Variants in KYAT3 observed in about 807,000 individuals in gnomAD.
KYAT3 encodes kynurenine--oxoglutarate transaminase 3.
KYAT3 carries 50 observed loss-of-function variants against 59.0 expected under a neutral mutation model. The observed-to-expected ratio is 0.85, with a 90% confidence interval of 0.68 to 1.07. KYAT3 has a LOEUF of 1.07. KYAT3 is among the 50% of genes least tolerant of loss of function. The pLI, the probability that KYAT3 is intolerant of heterozygous loss-of-function variation, is 0.00. For synonymous variants in KYAT3, 148 were observed against 177.0 expected (o/e 0.84, Z 1.30); for missense variants, 497 against 533.3 (o/e 0.93, Z 0.67).
chr1:88,980,625 G>C (rs1310330032), intron 2 of KYAT3: 1 of 152,510 alleles, frequency 6.6e-6, no homozygotes, highest in East Asian at 1.9e-4. Context: ...ACGTCTGCTA[G>C]TTCAGTAAAC....
intron 8 of KYAT3, among the ~76,000 whole-genome samples, chr1:88,955,439 T>C (rs569519694): frequency 2.8e-4 from 43 of 152,262 alleles, no homozygotes; most frequent in Admixed American, 2.2e-3. Flanking sequence ...ACCAAGATAG[T>C]ATATAAATAG....
At position 88,943,156 on chromosome 1, in the gene KYAT3, T is replaced by A; in HGVS notation, c.1216-65A>T. ...ACACTTCAAATATTAATTTTGGTAC[T>A]ACAGATACTAGAGGCAACTAGATAC... On this transcript the variant is annotated intron_variant, in intron 12 of 13. Transcript: ENST00000260508. 9 of 1,285,740 alleles carry A rather than the reference T, an allele frequency of 7.0e-6. No homozygotes were observed. In the South Asian group the frequency reaches 8.8e-5, roughly 13 times the overall value. The allele number at this position is 1,285,740 out of a possible 1,614,324, so 79.6% of individuals were successfully genotyped here. A position where few individuals can be genotyped will look rare whatever the true frequency, so the allele number is the denominator to read the frequency against.
chr1:88,960,543 C>T (rs996278558), intron 8 of KYAT3, among the ~76,000 whole-genome samples: 17 of 152,118 alleles, frequency 1.1e-4, no homozygotes, highest in Non-Finnish European at 4.4e-5. Context: ...TGAAAACTGA[C>T]ATTGGACAAA....
intron 6 of KYAT3, 150 bp downstream of exon 6, chr1:88,961,909 T>G (rs1676160635): frequency 1.6e-6 from 1 of 641,398 alleles, no homozygotes; most frequent in African/African-American, 1.8e-5. Context: ...ATGTTAAAAA[T>G]ATTTTAAAAA....
the KYAT3 span, among the ~76,000 whole-genome samples, chr1:88,922,082 C>T: frequency 6.6e-6 from 1 of 152,140 alleles, no homozygotes; most frequent in South Asian, 2.1e-4. Context: ...CATGGTGGCT[C>T]ATGCCTATAA....
chr1:88,979,373 A>G (rs1319122302), intron 2 of KYAT3: 1 of 152,226 alleles, frequency 6.6e-6, no homozygotes, highest in South Asian at 2.1e-4. Flanking sequence ...TAAGATCTAT[A>G]TATCATTCAG....
chr1:88,925,762 G>C, the KYAT3 span, among the ~76,000 whole-genome samples: 1 of 151,980 alleles, frequency 6.6e-6, no homozygotes, highest in South Asian at 2.1e-4. Flanking sequence ...GAGAGAGAGA[G>C]ATAAAGAGGG....
intron 2 of KYAT3, among the ~76,000 whole-genome samples, chr1:88,970,039 A>G (rs1358061994): frequency 6.6e-6 from 1 of 152,178 alleles, no homozygotes; most frequent in East Asian, 1.9e-4. Context: ...CTAGAAAGCT[A>G]ATCTGTTTTA....
At chr1:88,975,020 C>T (rs1676720124) in intron 2 of KYAT3, among the ~76,000 whole-genome samples, 1 of 152,202 alleles carries the variant, frequency 6.6e-6, no homozygotes, top group South Asian at 2.1e-4. Context: ...TCTTTTCACA[C>T]TTCATAATAA....
At chr1:88,947,216 C>T (rs10436920) in intron 11 of KYAT3, among the ~76,000 whole-genome samples, 5,807 of 152,266 alleles carry the variant, frequency 0.038, 318 homozygotes, top group African/African-American at 0.12. Flanking sequence ...ACACCATGAG[C>T]TTGTGCCTGC....
intron 13 of KYAT3, among the ~76,000 whole-genome samples, chr1:88,939,518 T>C (rs1186675563): frequency 6.6e-6 from 1 of 152,190 alleles, no homozygotes. Context: ...GAATTGTCTT[T>C]GAAGCCCAAT....
intron 8 of KYAT3, among the ~76,000 whole-genome samples, chr1:88,957,401 C>T (rs1675962760): frequency 6.6e-6 from 1 of 152,134 alleles, no homozygotes; most frequent in South Asian, 2.1e-4. Flanking sequence ...TGCAGATTAT[C>T]ACTTCCTTTA....
chr1:88,973,984 A>C (rs545708017), intron 2 of KYAT3, among the ~76,000 whole-genome samples: 1 of 152,296 alleles, frequency 6.6e-6, no homozygotes, highest in Admixed American at 6.5e-5. Flanking sequence ...ATGGGCTGTG[A>C]ATCAAGTCTT....
intron 4 of KYAT3, 30 bp from the exon 5 acceptor site, chr1:88,965,008 T>C: frequency 6.4e-7 from 1 of 1,562,266 alleles, no homozygotes; most frequent in Non-Finnish European, 8.6e-7. Flanking sequence ...AACAAAACCT[T>C]GAATTTAAAT....
chr1:88,943,163 A>G, intron 12 of KYAT3, 72 bp from the exon 13 acceptor site: 1 of 1,162,748 alleles, frequency 8.6e-7, no homozygotes, highest in Non-Finnish European at 1.3e-6. Flanking sequence ...TACTACAGAT[A>G]CTAGAGGCAA....
chr1:88,969,756 C>T (rs997958503), intron 2 of KYAT3, among the ~76,000 whole-genome samples: 1 of 152,106 alleles, frequency 6.6e-6, no homozygotes, highest in Non-Finnish European at 1.5e-5. Context: ...ATCCTCCTGC[C>T]TCAGTCTCCT....
intron 5 of KYAT3, among the ~76,000 whole-genome samples, chr1:88,963,421 A>C (rs534255392): frequency 4.1e-4 from 63 of 152,226 alleles, no homozygotes; most frequent in Non-Finnish European, 8.2e-4. Context: ...GGCATAGTGA[A>C]GGGAATCAAA....
intron 1 of KYAT3, among the ~76,000 whole-genome samples, chr1:88,990,649 G>A (rs1331898227): frequency 6.6e-6 from 1 of 152,070 alleles, no homozygotes; most frequent in Admixed American, 6.5e-5. Flanking sequence ...CTAGACCTAG[G>A]CTCTCTTTCC....
intron 2 of KYAT3, chr1:88,983,700 G>T (rs147771633): frequency 1.3e-5 from 21 of 1,579,940 alleles, no homozygotes; most frequent in Non-Finnish European, 1.7e-5. Context: ...TTGGTTTCAC[G>T]GTCTTTTATC....
Sources: gnomAD v4.1 joint callset for allele counts (sites outside exome capture counted in the v4.1 genomes callset) on GRCh38, gnomAD v4.1.1 for gene constraint, MANE v1.5 for transcripts, NCBI Gene and HGNC (gene_info 2026-07-23, HGNC 2026-07-21) for gene names.